Variants in GGCX observed in about 807,000 individuals in gnomAD.
GGCX encodes gamma-glutamyl carboxylase, also known as vitamin K-dependent gamma-carboxylase.
In GGCX, 63 loss-of-function variants were observed where a neutral mutation model predicts 88.5. The observed-to-expected ratio is 0.71, with a 90% confidence interval of 0.58 to 0.88. The LOEUF is 0.88. GGCX is among the 40% of genes least tolerant of loss of function. The probability of loss-of-function intolerance (pLI) is 0.00; values close to 1 mark genes in which losing one functional copy is unlikely to be tolerated. For missense variants in GGCX, 805 were observed against 932.9 expected, an observed-to-expected ratio of 0.86 and a Z score of 1.79; for synonymous variants, 368 against 365.8, an observed-to-expected ratio of 1.01 and a Z score of -0.07.
rs1692172706 is a variant in GGCX at position 85,555,520 on chromosome 2, T to C, written c.689A>G (p.Glu230Gly). 6.2e-7 allele frequency: 1 copy of C among 1,605,082 alleles called. No homozygotes were observed. Among genetic ancestry groups the C allele is most frequent in the Non-Finnish European group, 8.5e-7 (1 of 1,171,892 alleles). ...GAAGAGCCAGTGCCGGGACAAATAT[T>C]CCATGGAATAGCCTTCAACCCAGTC... ...DADWVEGYSM[E>G]YLSRHWLFSP... The change falls in exon 6 of 15, where the codon GAA (glutamate) becomes GGA (glycine). Residue 230 changes from glutamate (E) to glycine (G), a missense_variant. This residue lies in a region of GGCX where 680 missense variants were observed against 763.7 expected (regional missense o/e 0.89). Coordinates refer to ENST00000233838, the MANE Select transcript of GGCX (RefSeq NM_000821.7).
rs1389864659 is a variant in GGCX, at chr2:85,548,639, A to G, written c.*1295T>C. 6.6e-6 allele frequency: 1 copy of G among 152,150 alleles called. No individual in the cohort carries two copies. The highest frequency in any genetic ancestry group is 1.5e-5 in the Non-Finnish European group (1 of 68,036). 9.4% of individuals were successfully genotyped at this position (152,150 alleles called of 1,614,324 possible). ...TTTACAGAAGTTACTGAGACTGCCA[A>G]TTTACTACCGGTCTCTGCTACAAGT... On this transcript the variant is annotated 3_prime_UTR_variant, in exon 15 of 15. Coordinates refer to ENST00000233838, the MANE Select transcript of GGCX (RefSeq NM_000821.7).
rs965970000 is a variant in GGCX, at chr2:85,561,450, G to A, written c.-22C>T. The stretch of plus-strand genomic sequence containing the variant: ...CCATTGCTCTGCGGAGGAGGCAGGT[G>A]GGTCACAGCTGCCGCGTCTGAACGG... On this transcript the variant is annotated 5_prime_UTR_variant, in exon 1 of 15. Coordinates refer to ENST00000233838, the MANE Select transcript of GGCX (RefSeq NM_000821.7). 18 of 1,557,408 alleles carry A rather than the reference G, an allele frequency of 1.2e-5. No homozygotes were observed. Among genetic ancestry groups the A allele is most frequent in the Non-Finnish European group, 1.4e-5 (16 of 1,147,546 alleles).
intron 10 of GGCX, 151 bp from the exon 11 acceptor site, chr2:85,552,132 A>G: frequency 1.4e-6 from 1 of 732,664 alleles, no homozygotes; most frequent in Admixed American, 2.0e-5. Flanking sequence ...GGGCAGAGAA[A>G]GAAGGCAGAA....
At position 85,548,817 on chromosome 2, in the gene GGCX, C is replaced by A. The variant is rs537637360; in HGVS notation, c.*1117G>T. 1 of 152,272 alleles carries A rather than the reference C, an allele frequency of 6.6e-6. No homozygotes were observed. The highest frequency in any genetic ancestry group is 1.9e-4 in the East Asian group (1 of 5,182). 9.4% of individuals were successfully genotyped at this position (152,272 alleles called of 1,614,324 possible). On this transcript the variant is annotated 3_prime_UTR_variant, in exon 15 of 15. Coordinates refer to ENST00000233838, the MANE Select transcript of GGCX (RefSeq NM_000821.7). ...CAAAATGTCTAAGCATTCCCTAATCCCTTACTAAATTTAGTTAATTCTTAC... is the reference window on the plus strand; with the variant it reads ...CAAAATGTCTAAGCATTCCCTAATCACTTACTAAATTTAGTTAATTCTTAC...
intron 4 of GGCX, among the ~76,000 whole-genome samples, chr2:85,558,081 C>T (rs368078844): frequency 6.6e-6 from 1 of 152,210 alleles, no homozygotes; most frequent in African/African-American, 2.4e-5. Context: ...CTTCTGGACT[C>T]ACACAGAGAA....
chr2:85,553,069 C>T lies in GGCX; in HGVS notation c.1157G>A (p.Gly386Asp). 6.2e-7 allele frequency: 1 copy of T among 1,614,158 alleles called. No homozygotes were observed. The highest frequency in any genetic ancestry group is 8.5e-7 in the Non-Finnish European group (1 of 1,180,014). The change falls in exon 9 of 15, where the codon GGC becomes GAC. Residue 386 changes from glycine to aspartate, a missense_variant and splice_region_variant. Transcript: ENST00000233838. ...FLPYSHFLTQGYNNWTNGLYG... is the reference protein window; with the variant it reads ...FLPYSHFLTQDYNNWTNGLYG... The stretch of plus-strand genomic sequence containing the variant: ...CAGCCCATTTGTCCAGTTGTTATAG[C>T]CCTGGGAAGGCAGCACAGAGGGGAA...
At position 85,550,731 on chromosome 2, in the gene GGCX, TG is replaced by T. The variant is rs1255386617; in HGVS notation, c.1907del (p.Pro636GlnfsTer11). ...CCCCTTCCAACAGAGGCTGCAGCTC[TG>T]GGGGTAGAGGCCCTGTTTCTGCCCG... ...ENGSETGPLP[P>X]ELQPLLEGEV... On this transcript the variant is annotated frameshift_variant, in exon 14 of 15. Transcript: ENST00000233838. LOFTEE classifies it high-confidence loss of function. 1 of 1,614,038 alleles carries T rather than the reference TG, an allele frequency of 6.2e-7. No homozygotes were observed. The highest frequency in any genetic ancestry group is 8.5e-7 in the Non-Finnish European group (1 of 1,180,024).
intron 6 of GGCX, 48 bp from the exon 7 acceptor site, chr2:85,554,354 A>G (rs1242749654): frequency 1.3e-6 from 2 of 1,562,560 alleles, no homozygotes; most frequent in East Asian, 4.5e-5. Context: ...TGGAGAACAC[A>G]TCAAAGCACA....
chr2:85,552,376 T>G, intron 10 of GGCX, 40 bp downstream of exon 10: 2 of 1,592,132 alleles, frequency 1.3e-6, no homozygotes, highest in Non-Finnish European at 1.7e-6. Context: ...TAAAAAGAAC[T>G]GTGCTTCATT....
In GGCX at chr2:85,554,252, C is replaced by G. The variant is rs766657582; in HGVS notation, c.780G>C (p.Leu260=). 1 of 1,613,692 alleles carries G rather than the reference C, an allele frequency of 6.2e-7. No individual in the cohort carries two copies. Among genetic ancestry groups the G allele is most frequent in the South Asian group, 1.1e-5 (1 of 91,080 alleles). ...GGAAACCAGCTGAGAGGTCAAGCAG[C>G]AGCCCACCCCAGTGCACGACCAGCA... ...TSLLVVHWGG[L]LLDLSAGFLL... The change falls in exon 7 of 15, where the codon CTG becomes CTC. Residue 260 remains leucine (L), a synonymous_variant. Transcript: ENST00000233838.
In GGCX at chr2:85,547,403, A is replaced by C. The variant is rs1220544345; in HGVS notation, c.*2531T>G. 1 of 152,174 alleles carries C rather than the reference A, an allele frequency of 6.6e-6. No individual in the cohort carries two copies. Among genetic ancestry groups the C allele is most frequent in the Non-Finnish European group, 1.5e-5 (1 of 68,030 alleles). The allele number at this position is 152,174 out of a possible 1,614,324, so 9.4% of individuals were successfully genotyped here. A position where few individuals can be genotyped will look rare whatever the true frequency, so the allele number is the denominator to read the frequency against. The stretch of plus-strand genomic sequence containing the variant: ...CCACTGAACAGCTTTTATTACCAGT[A>C]TTTACATGACCACTTTTTCTTTACA... On this transcript the variant is annotated 3_prime_UTR_variant, in exon 15 of 15. Coordinates refer to ENST00000233838, the MANE Select transcript of GGCX (RefSeq NM_000821.7).
chr2:85,550,810 C>A, intron 13 of GGCX, 60 bp from the exon 14 acceptor site: 1 of 1,585,904 alleles, frequency 6.3e-7, no homozygotes, highest in East Asian at 2.2e-5. Context: ...CCCCTTAGAA[C>A]TCCTCTTCTG....
In GGCX at chr2:85,550,554, C is replaced by T; in HGVS notation, c.2084+1G>A. On this transcript the variant is annotated splice_donor_variant, in intron 14 of 14. Transcript: ENST00000233838. LOFTEE classifies it high-confidence loss of function. ...AATGACAAATATTGTTGTGAACTTA[C>T]CTGCGGCGAAAGACATAGAGCTTTC... The T allele has an allele frequency of 6.2e-7, 1 of 1,610,766 alleles. No individual in the cohort carries two copies.
rs1049593407 is a variant in GGCX, at chr2:85,559,103, T to C, written c.215-28A>G. On this transcript the variant is annotated intron_variant, in intron 2 of 14. Coordinates refer to ENST00000233838, the MANE Select transcript of GGCX (RefSeq NM_000821.7). ...AAGAAGGCAATAGGGGAGTTGGTCA[T>C]TGGGCCTCAGCTAAGGAAGCAGTAG... 23 of 1,605,650 alleles carry C rather than the reference T, an allele frequency of 1.4e-5. No homozygotes were observed. The African/African-American group carries it at 1.6e-4, about 11-fold the overall frequency.
Position 85,559,023 on chromosome 2 carries a change from G to A in GGCX, c.267C>T (p.Asp89=). The change falls in exon 3 of 15, where the codon GAC becomes GAT. Residue 89 remains aspartate, a synonymous_variant. Coordinates refer to ENST00000233838, the MANE Select transcript of GGCX (RefSeq NM_000821.7). ...IPQERGLSSL[D]RKYLDGLDVC... ...CATCCAGCCCATCAAGGTATTTCCGGTCCAGAGAGCTGAGCCCCCGCTCCT... is the reference window on the plus strand; with the variant it reads ...CATCCAGCCCATCAAGGTATTTCCGATCCAGAGAGCTGAGCCCCCGCTCCT... 1 of 1,614,010 alleles carries A rather than the reference G, an allele frequency of 6.2e-7. No individual in the cohort carries two copies. The highest frequency in any genetic ancestry group is 8.5e-7 in the Non-Finnish European group (1 of 1,179,864).
At chr2:85,557,849 A>T (rs578018166) in intron 4 of GGCX, among the ~76,000 whole-genome samples, 1 of 152,276 alleles carries the variant, frequency 6.6e-6, no homozygotes, top group East Asian at 1.9e-4. Flanking sequence ...CACCTATTTT[A>T]TTACTTTTCA....
In GGCX at chr2:85,546,619, A is replaced by C; in HGVS notation, c.*3315T>G. ...CAGCTACTCAGGAGGCTGGAGAATCACTTGAACCCAGGAGGCAGAGGTTGC... is the reference window on the plus strand; with the variant it reads ...CAGCTACTCAGGAGGCTGGAGAATCCCTTGAACCCAGGAGGCAGAGGTTGC... On this transcript the variant is annotated 3_prime_UTR_variant, in exon 15 of 15. Coordinates refer to ENST00000233838, the MANE Select transcript of GGCX (RefSeq NM_000821.7). 1 of 152,330 alleles carries C rather than the reference A, an allele frequency of 6.6e-6. No homozygotes were observed. 9.4% of individuals were successfully genotyped at this position (152,330 alleles called of 1,614,324 possible).
intron 2 of GGCX, 142 bp from the exon 3 acceptor site, chr2:85,559,217 T>TAAA: frequency 2.7e-6 from 2 of 750,240 alleles, no homozygotes; most frequent in Non-Finnish European, 4.7e-6. Context: ...GTATTAATTA[T>TAAA]TGAGTGCCTA....
intron 7 of GGCX, 129 bp downstream of exon 7, chr2:85,554,014 A>C: frequency 1.3e-6 from 1 of 778,630 alleles, no homozygotes; most frequent in Non-Finnish European, 2.3e-6. Context: ...TGCCTACTTC[A>C]TAGTGACTGC....
Sources: allele counts gnomAD v4.1 joint callset (sites outside exome capture counted in the v4.1 genomes callset), GRCh38; gene constraint gnomAD v4.1.1; regional missense constraint gnomAD v4.1.1; transcripts MANE v1.5; gene names NCBI Gene and HGNC (gene_info 2026-07-23, HGNC 2026-07-21).